Variants in PACRG observed in about 807,000 individuals in gnomAD.
The protein encoded by PACRG is parkin coregulated gene protein.
Under a neutral mutation model 29.7 loss-of-function variants are expected in PACRG, and 29 were observed. That is an observed-to-expected ratio of 0.98 (90% CI 0.73 to 1.33). The LOEUF (loss-of-function observed/expected upper bound fraction) is 1.33. Among genes scored for constraint, PACRG ranks in the 40% most tolerant of loss-of-function variants. The pLI, the probability that PACRG is intolerant of heterozygous loss-of-function variation, is 0.00. For synonymous variants in PACRG, 116 were observed against 118.7 expected (o/e 0.98, Z 0.15); for missense variants, 279 against 316.2 (o/e 0.88, Z 0.89).
chr6:163,268,073 C>T (rs1197257888), intron 4 of PACRG, among the ~76,000 whole-genome samples: 5 of 152,130 alleles, frequency 3.3e-5, no homozygotes, highest in Admixed American at 2.6e-4. Flanking sequence ...TAAAATTTAA[C>T]AGAAAAGCAA....
At chr6:163,040,148 C>T (rs750795635) in intron 2 of PACRG, among the ~76,000 whole-genome samples, 7 of 152,206 alleles carry the variant, frequency 4.6e-5, no homozygotes, top group South Asian at 4.1e-4. Context: ...ACTTCAGCTC[C>T]GGCTGTGGCT....
chr6:163,131,315 CAAAAAAAAAA>C (rs55958953), intron 4 of PACRG, among the ~76,000 whole-genome samples: 1 of 136,186 alleles, frequency 7.3e-6, no homozygotes, highest in Non-Finnish European at 1.6e-5. Flanking sequence ...CTGTCTCAAA[CAAAAAAAAAA>C]AAAAAAAAAA....
intron 2 of PACRG, among the ~76,000 whole-genome samples, chr6:162,939,715 T>C (rs773726635): frequency 1.6e-4 from 25 of 151,870 alleles, no homozygotes; most frequent in Non-Finnish European, 3.4e-4. Flanking sequence ...CTTAGCTGAT[T>C]CTAGCATGTT....
chr6:163,063,930 C>A (rs1447200098), intron 3 of PACRG, among the ~76,000 whole-genome samples: 4 of 152,164 alleles, frequency 2.6e-5, no homozygotes, highest in Non-Finnish European at 2.9e-5. Context: ...AGATGGGTCA[C>A]ATTTTTGAAT....
At chr6:163,053,766 C>T (rs1459584785) in intron 2 of PACRG, among the ~76,000 whole-genome samples, 1 of 152,140 alleles carries the variant, frequency 6.6e-6, no homozygotes, top group Non-Finnish European at 1.5e-5. Context: ...CAGTGTTAAA[C>T]AGCCGACCCT....
intron 2 of PACRG, among the ~76,000 whole-genome samples, chr6:162,849,539 T>C (rs1790688705): frequency 6.6e-6 from 1 of 152,178 alleles, no homozygotes; most frequent in South Asian, 2.1e-4. Flanking sequence ...CTGATATGGG[T>C]GATCTGCTCA....
intron 2 of PACRG, among the ~76,000 whole-genome samples, chr6:163,002,118 C>T (rs1053251524): frequency 6.6e-6 from 1 of 152,134 alleles, no homozygotes; most frequent in Non-Finnish European, 1.5e-5. Flanking sequence ...GAATATTGTA[C>T]ACATTTCTTT....
chr6:163,011,869 C>T (rs1035974499), intron 2 of PACRG, among the ~76,000 whole-genome samples: 2 of 152,066 alleles, frequency 1.3e-5, no homozygotes, highest in African/African-American at 4.8e-5. Context: ...AGCCTGAGCC[C>T]ACACAGGGTC....
At chr6:163,120,064 T>C (rs1393505684) in intron 4 of PACRG, among the ~76,000 whole-genome samples, 1 of 152,196 alleles carries the variant, frequency 6.6e-6, no homozygotes, top group Non-Finnish European at 1.5e-5. Flanking sequence ...ACATTCCTTT[T>C]TTATAATAGA....
chr6:162,964,397 T>C (rs1408618296), intron 2 of PACRG, among the ~76,000 whole-genome samples: 1 of 152,206 alleles, frequency 6.6e-6, no homozygotes, highest in Non-Finnish European at 1.5e-5. Context: ...AATGAAATCA[T>C]AAAGGCCTTC....
intron 4 of PACRG, among the ~76,000 whole-genome samples, chr6:163,264,523 CA>C (rs1265764855): frequency 6.6e-5 from 10 of 152,198 alleles, no homozygotes; most frequent in Admixed American, 2.0e-4. Flanking sequence ...CGAAGTCGTT[CA>C]AGGGCGACAG....
At chr6:162,917,060 G>C (rs1796747010) in intron 2 of PACRG, among the ~76,000 whole-genome samples, 1 of 152,016 alleles carries the variant, frequency 6.6e-6, no homozygotes. Context: ...TGGAGTCTGG[G>C]CCTTGCAAGT....
At position 163,083,924 on chromosome 6, in the gene PACRG, A is replaced by T. The variant is rs374635635; in HGVS notation, c.464-5335A>T. On this transcript the variant is annotated intron_variant, in intron 3 of 4. Coordinates refer to ENST00000366888, the MANE Select transcript of PACRG (RefSeq NM_001080379.2). ...CACTTTGCAAAAAAAAAATCATAAA[A>T]TAGTGGATTTTATGCCTGAGAAAAT... is the stretch of plus-strand genomic sequence containing the variant. 3.2e-4 allele frequency among the ~76,000 whole-genome samples: 49 copies of T among 152,350 alleles called. No individual in the cohort carries two copies. The East Asian group carries it at 7.5e-3, about 23-fold the overall frequency.
At chr6:163,012,011 G>T (rs1306638385) in intron 2 of PACRG, among the ~76,000 whole-genome samples, 1 of 152,024 alleles carries the variant, frequency 6.6e-6, no homozygotes, top group Non-Finnish European at 1.5e-5. Context: ...TGAAAGAACA[G>T]GTGTCACACT....
chr6:163,249,755 G>A (rs1025784029), intron 4 of PACRG, among the ~76,000 whole-genome samples: 2 of 152,194 alleles, frequency 1.3e-5, no homozygotes, highest in African/African-American at 4.8e-5. Context: ...TGGATGACAG[G>A]GCACCCGGCT....
chr6:163,191,748 T>A (rs1191344529), intron 4 of PACRG: 9 of 456,270 alleles, frequency 2.0e-5, no homozygotes, highest in African/African-American at 1.2e-4. Flanking sequence ...CTCAGAGCCA[T>A]GACGTCCCTC....
chr6:163,037,411 A>G lies in PACRG; in HGVS notation c.292-24739A>G, dbSNP rs1233882974. ...CCTTGGCTGTGGGCCTCCTCATTGT[A>G]TACCTTCTTGAGGTTGCCATGGTTA... is the stretch of plus-strand genomic sequence containing the variant. On this transcript the variant is annotated intron_variant, in intron 2 of 4. Transcript: ENST00000366888. Among the ~76,000 whole-genome samples, 3 of 152,280 alleles carry G rather than the reference A, an allele frequency of 2.0e-5. No homozygotes were observed. The South Asian group carries it at 6.2e-4, about 32-fold the overall frequency.
chr6:162,972,828 A>C (rs1180396337), intron 2 of PACRG, among the ~76,000 whole-genome samples: 1 of 152,092 alleles, frequency 6.6e-6, no homozygotes, highest in Non-Finnish European at 1.5e-5. Context: ...AACACCCTAT[A>C]AGAGTAAACA....
intron 4 of PACRG, among the ~76,000 whole-genome samples, chr6:163,092,069 T>C (rs73786956): frequency 0.021 from 3,184 of 152,262 alleles, 130 homozygotes; most frequent in African/African-American, 0.072. Context: ...TTCTTTCAAG[T>C]CCCACTACAA....
Sources: gnomAD v4.1 joint callset for allele counts (sites outside exome capture counted in the v4.1 genomes callset) on GRCh38, gnomAD v4.1.1 for gene constraint, MANE v1.5 for transcripts, NCBI Gene and HGNC (gene_info 2026-07-23, HGNC 2026-07-21) for gene names.